NSUN6: variants seen among roughly 807,000 people sequenced by gnomAD.
NSUN6 encodes tRNA (cytosine(72)-C(5))-methyltransferase NSUN6.
Under a neutral mutation model 58.0 loss-of-function variants are expected in NSUN6, and 64 were observed. The observed-to-expected ratio is 1.10, with a 90% confidence interval of 0.90 to 1.36. The LOEUF is 1.36. NSUN6 is among the 40% of genes most tolerant of loss of function. The pLI is 0.00. For missense variants in NSUN6, 701 were observed against 550.1 expected, an observed-to-expected ratio of 1.27 and a Z score of -2.74; for synonymous variants, 231 against 193.9, an observed-to-expected ratio of 1.19 and a Z score of -1.59.
intron 3 of NSUN6, among the ~76,000 whole-genome samples, chr10:18,627,357 AC>A (rs1463346987): frequency 6.6e-6 from 1 of 152,182 alleles, no homozygotes; most frequent in Non-Finnish European, 1.5e-5. Context: ...GGAAGAAAAC[AC>A]CCTTTTCTAA....
chr10:18,609,257 G>C (rs1327516243), intron 6 of NSUN6, among the ~76,000 whole-genome samples: 1 of 152,124 alleles, frequency 6.6e-6, no homozygotes, highest in African/African-American at 2.4e-5. Context: ...GTTACAGTGA[G>C]CTACGATTGT....
At chr10:18,571,430 TCATTC>T in intron 8 of NSUN6, among the ~76,000 whole-genome samples, 1 of 146,862 alleles carries the variant, frequency 6.8e-6, no homozygotes, top group South Asian at 2.2e-4. Context: ...ATTCCATTCT[TCATTC>T]CATTCCAAAC....
At chr10:18,560,061 G>A (rs1400816056) in intron 8 of NSUN6, among the ~76,000 whole-genome samples, 1 of 95,222 alleles carries the variant, frequency 1.1e-5, no homozygotes, top group Non-Finnish European at 2.1e-5. Context: ...GGAATGAAAT[G>A]GAAAATGGAA....
At chr10:18,629,821 C>T (rs1302033023) in intron 3 of NSUN6, among the ~76,000 whole-genome samples, 7 of 147,026 alleles carry the variant, frequency 4.8e-5, no homozygotes, top group African/African-American at 1.8e-4. Context: ...TTTAACACCC[C>T]ACTGTCAACA....
chr10:18,622,956 G>A (rs1199967348), intron 3 of NSUN6, among the ~76,000 whole-genome samples: 1 of 152,176 alleles, frequency 6.6e-6, no homozygotes, highest in Non-Finnish European at 1.5e-5. Flanking sequence ...TGATCCAAAT[G>A]TAGCCTTTAG....
At chr10:18,552,148 T>C (rs896987208) in intron 8 of NSUN6, among the ~76,000 whole-genome samples, 177 bp from the exon 9 acceptor site, 13 of 142,246 alleles carry the variant, frequency 9.1e-5, no homozygotes, top group Admixed American at 7.3e-4. Flanking sequence ...AGATTTGATG[T>C]GGTAGAAAGG....
chr10:18,600,031 A>T (rs1222711732), intron 6 of NSUN6, among the ~76,000 whole-genome samples: 1 of 152,222 alleles, frequency 6.6e-6, no homozygotes, highest in Non-Finnish European at 1.5e-5. Flanking sequence ...AACTTTACAA[A>T]GTATCTTTGG....
rs912430105 is a variant in NSUN6, at chr10:18,545,600, A to G, written c.*333T>C. 1 of 177,130 alleles carries G rather than the reference A, an allele frequency of 5.6e-6. No individual in the cohort carries two copies. The highest frequency in any genetic ancestry group is 2.4e-5 in the African/African-American group (1 of 42,046). 11.0% of individuals were successfully genotyped at this position (177,130 alleles called of 1,614,324 possible). On this transcript the variant is annotated 3_prime_UTR_variant, in exon 11 of 11. Coordinates refer to ENST00000377304, the MANE Select transcript of NSUN6 (RefSeq NM_182543.5). ...TTTATTCCTTTTGTTAGATTCACTA[A>G]TTTTTAACATTAAAAATGACTTGTA...
chr10:18,617,015 C>T (rs987445876), intron 3 of NSUN6, among the ~76,000 whole-genome samples: 3 of 152,076 alleles, frequency 2.0e-5, no homozygotes, highest in African/African-American at 4.8e-5. Context: ...CTTTCCTGGT[C>T]CCAAACATTC....
intron 8 of NSUN6, among the ~76,000 whole-genome samples, chr10:18,573,803 G>A (rs2056513618): frequency 6.6e-6 from 1 of 152,038 alleles, no homozygotes; most frequent in Non-Finnish European, 1.5e-5. Context: ...AATAAGGTGT[G>A]AACAAATCGA....
chr10:18,547,437 G>A (rs1384008538), intron 10 of NSUN6, among the ~76,000 whole-genome samples: 1 of 152,046 alleles, frequency 6.6e-6, no homozygotes, highest in Admixed American at 6.6e-5. Flanking sequence ...CTTTATTTAT[G>A]TATTCCCATT....
chr10:18,614,668 T>G, intron 4 of NSUN6, 55 bp from the exon 5 acceptor site: 1 of 971,972 alleles, frequency 1.0e-6, no homozygotes, highest in Admixed American at 3.4e-5. Context: ...AGAAGAATCG[T>G]GAAAATTATT....
intron 8 of NSUN6, among the ~76,000 whole-genome samples, chr10:18,575,419 C>A (rs1270530515): frequency 6.6e-6 from 1 of 152,054 alleles, no homozygotes; most frequent in Admixed American, 6.6e-5. Flanking sequence ...TGAAGCTATC[C>A]CCATTTCAAA....
At chr10:18,595,168 G>A (rs1478133230) in intron 7 of NSUN6, among the ~76,000 whole-genome samples, 1 of 152,142 alleles carries the variant, frequency 6.6e-6, no homozygotes, top group Non-Finnish European at 1.5e-5. Context: ...ACCTGCAGGT[G>A]ACCAGTACAT....
chr10:18,631,999 A>G (rs1167664496), intron 3 of NSUN6, among the ~76,000 whole-genome samples: 3 of 152,030 alleles, frequency 2.0e-5, no homozygotes. Flanking sequence ...ACCTGACTTC[A>G]AACTATACTA....
At chr10:18,656,404 G>A (rs1456551122), upstream of NSUN6, among the ~76,000 whole-genome samples, 2 of 152,292 alleles carry the variant, frequency 1.3e-5, no homozygotes, top group East Asian at 1.9e-4. Flanking sequence ...GGGCATGGTG[G>A]TGCATGCCTG....
intron 8 of NSUN6, among the ~76,000 whole-genome samples, chr10:18,574,787 G>C (rs2056567356): frequency 1.3e-5 from 2 of 152,122 alleles, no homozygotes; most frequent in Admixed American, 1.3e-4. Flanking sequence ...TAATATTAAA[G>C]ATCAAGACCT....
At chr10:18,605,733 A>G (rs2058025279) in intron 6 of NSUN6, among the ~76,000 whole-genome samples, 2 of 152,344 alleles carry the variant, frequency 1.3e-5, no homozygotes, top group African/African-American at 4.8e-5. Context: ...TGTTGCACAC[A>G]TGGAAAACAT....
intron 3 of NSUN6, among the ~76,000 whole-genome samples, chr10:18,621,973 C>T (rs549513468): frequency 1.8e-4 from 28 of 152,066 alleles, no homozygotes; most frequent in Middle Eastern, 3.4e-3. Flanking sequence ...CCTTGTGCAA[C>T]AGCATTTCTT....
Sources: gnomAD v4.1 joint callset for allele counts (sites outside exome capture counted in the v4.1 genomes callset) on GRCh38, gnomAD v4.1.1 for gene constraint, MANE v1.5 for transcripts, NCBI Gene and HGNC (gene_info 2026-07-23, HGNC 2026-07-21) for gene names.